The following RABEP1 variants were observed in gnomAD, a reference collection of about 807,000 sequenced individuals.
The protein encoded by RABEP1 is rab GTPase-binding effector protein 1.
In RABEP1, 51 loss-of-function variants were observed where a neutral mutation model predicts 123.4. That is an observed-to-expected ratio of 0.41 (90% CI 0.33 to 0.52). The LOEUF (loss-of-function observed/expected upper bound fraction) is 0.52. Ranked by LOEUF, RABEP1 falls within the 20% of genes least tolerant of loss-of-function variation. The pLI, the probability that RABEP1 is intolerant of heterozygous loss-of-function variation, is 0.16. For missense variants in RABEP1, 888 were observed against 996.3 expected (o/e 0.89, Z 1.46); for synonymous variants, 347 against 355.2 (o/e 0.98, Z 0.26).
intron 2 of RABEP1, among the ~76,000 whole-genome samples, chr17:5,310,712 A>G (rs1461855385): frequency 6.6e-6 from 1 of 152,044 alleles, no homozygotes; most frequent in South Asian, 2.1e-4. Context: ...GAAATTTTAC[A>G]GTGGTTTTCC....
At chr17:5,327,931 C>T (rs927753221) in intron 2 of RABEP1, among the ~76,000 whole-genome samples, 3 of 152,038 alleles carry the variant, frequency 2.0e-5, no homozygotes, top group African/African-American at 4.8e-5. Context: ...GGACAATGGG[C>T]ATAGGACAAT....
chr17:5,370,114 A>G (rs187083048), intron 12 of RABEP1, among the ~76,000 whole-genome samples: 130 of 152,338 alleles, frequency 8.5e-4, no homozygotes, highest in African/African-American at 2.8e-3. Context: ...TTGAGGTCCT[A>G]TGAACTCCAG....
chr17:5,360,236 A>G (rs1909382282), intron 8 of RABEP1, among the ~76,000 whole-genome samples: 1 of 152,222 alleles, frequency 6.6e-6, no homozygotes, highest in Non-Finnish European at 1.5e-5. Context: ...AGTATACAAC[A>G]TTGAACATGT....
At chr17:5,350,692 C>T (rs1171158490) in intron 7 of RABEP1, 63 bp downstream of exon 7, 19 of 1,544,358 alleles carry the variant, frequency 1.2e-5, no homozygotes, top group South Asian at 1.1e-5. Context: ...CATGTGATTG[C>T]ATTACCTTAT....
rs1265713980 is a variant in RABEP1, at chr17:5,384,510, G to C, written c.*1287G>C. ...GGGTACCTGAAAGAGCCTTCTGGGA[G>C]TTAGTGAACTAGGTAGATTGTTTTG... On this transcript the variant is annotated 3_prime_UTR_variant, in exon 18 of 18. Coordinates refer to ENST00000537505, the MANE Select transcript of RABEP1 (RefSeq NM_004703.6). The C allele has an allele frequency of 9.2e-6, 2 of 216,306 alleles. No homozygotes were observed. Among genetic ancestry groups the C allele is most frequent in the East Asian group, 6.9e-5 (1 of 14,426 alleles). 13.4% of individuals were successfully genotyped at this position (216,306 alleles called of 1,614,324 possible).
chr17:5,325,818 A>G (rs1304046734), intron 2 of RABEP1, among the ~76,000 whole-genome samples: 1 of 152,228 alleles, frequency 6.6e-6, no homozygotes, highest in Non-Finnish European at 1.5e-5. Flanking sequence ...ATGTACTTTA[A>G]CTATGTACAT....
intron 13 of RABEP1, 147 bp downstream of exon 13, chr17:5,373,601 C>A: frequency 1.1e-6 from 1 of 915,210 alleles, no homozygotes; most frequent in Non-Finnish European, 1.6e-6. Context: ...TTTTGCTGTA[C>A]TCACAGATGT....
chr17:5,301,549 A>G (rs964536690), intron 1 of RABEP1, among the ~76,000 whole-genome samples: 6 of 152,214 alleles, frequency 3.9e-5, no homozygotes, highest in African/African-American at 1.4e-4. Context: ...CTGAACCAGA[A>G]TATAAATCCA....
chr17:5,320,159 G>T (rs979478995), intron 2 of RABEP1, among the ~76,000 whole-genome samples: 1 of 151,744 alleles, frequency 6.6e-6, no homozygotes, highest in African/African-American at 2.4e-5. Flanking sequence ...CCCTAATGGA[G>T]CTTCAGTCAG....
At chr17:5,343,613 G>C (rs1220401624) in intron 5 of RABEP1, among the ~76,000 whole-genome samples, 1 of 150,910 alleles carries the variant, frequency 6.6e-6, no homozygotes, top group Non-Finnish European at 1.5e-5. Flanking sequence ...CTATCTGATA[G>C]GTAGACCCAC....
chr17:5,378,337 G>C (rs762347323), intron 15 of RABEP1, 105 bp downstream of exon 15: 82 of 1,113,580 alleles, frequency 7.4e-5, no homozygotes, highest in Non-Finnish European at 1.1e-4. Context: ...CATGGGCCCT[G>C]CCTTAAGGAA....
At chr17:5,309,422 C>T (rs576610968) in intron 2 of RABEP1, among the ~76,000 whole-genome samples, 19 of 149,534 alleles carry the variant, frequency 1.3e-4, no homozygotes, top group African/African-American at 3.6e-4. Context: ...GGCCAACGGG[C>T]GGGGGCGGAT....
chr17:5,306,225 A>C (rs549253296), intron 1 of RABEP1, among the ~76,000 whole-genome samples: 34 of 152,304 alleles, frequency 2.2e-4, no homozygotes, highest in Non-Finnish European at 4.3e-4. Context: ...CAGAAAGCCT[A>C]TTGTTGACAA....
At position 5,332,045 on chromosome 17, in the gene RABEP1, A is replaced by C. The variant is rs1208230004; in HGVS notation, c.260A>C (p.Asn87Thr). ...QLWEAQAEME[N>T]IKAIATVSEN... Reference sequence around the variant, plus strand: ...TGGGAAGCTCAAGCAGAGATGGAGAATATTAAGGCGATTGCCACAGTCTCT... The same window carrying C: ...TGGGAAGCTCAAGCAGAGATGGAGACTATTAAGGCGATTGCCACAGTCTCT... The change falls in exon 3 of 18, where the codon AAT (asparagine) becomes ACT (threonine). Residue 87 changes from asparagine (N) to threonine (T), a missense_variant. Asn to Thr is a moderately conservative substitution (Grantham distance 65). Transcript: ENST00000537505. 1.9e-6 allele frequency: 3 copies of C among 1,614,102 alleles called. No homozygotes were observed. The highest frequency in any genetic ancestry group is 2.5e-6 in the Non-Finnish European group (3 of 1,180,006).
At chr17:5,322,670 T>C (rs567900777) in intron 2 of RABEP1, among the ~76,000 whole-genome samples, 21 of 152,114 alleles carry the variant, frequency 1.4e-4, no homozygotes, top group African/African-American at 4.8e-4. Context: ...AACAACATAT[T>C]AAAAAGATCA....
At chr17:5,296,987 C>T (rs1291096943) in intron 1 of RABEP1, among the ~76,000 whole-genome samples, 1 of 151,622 alleles carries the variant, frequency 6.6e-6, no homozygotes, top group Non-Finnish European at 1.5e-5. Flanking sequence ...ATCTGCCTGC[C>T]TCAGCTTCCA....
At chr17:5,299,769 C>T (rs1463971838) in intron 1 of RABEP1, among the ~76,000 whole-genome samples, 2 of 116,106 alleles carry the variant, frequency 1.7e-5, no homozygotes, top group Non-Finnish European at 3.3e-5. Context: ...CTCTCCTTGT[C>T]GCCAGGCTGG....
intron 4 of RABEP1, among the ~76,000 whole-genome samples, chr17:5,335,980 A>G (rs1907043420): frequency 6.6e-6 from 1 of 152,140 alleles, no homozygotes; most frequent in Non-Finnish European, 1.5e-5. Flanking sequence ...GTTTCTGTGT[A>G]CCACATATTA....
chr17:5,372,466 A>C (rs1439670176), intron 12 of RABEP1, among the ~76,000 whole-genome samples: 1 of 152,148 alleles, frequency 6.6e-6, no homozygotes, highest in Non-Finnish European at 1.5e-5. Context: ...AAAAAAGAAT[A>C]AGCTTCTCAA....
Sources: allele counts gnomAD v4.1 joint callset (sites outside exome capture counted in the v4.1 genomes callset), GRCh38; gene constraint gnomAD v4.1.1; transcripts MANE v1.5; gene names NCBI Gene and HGNC (gene_info 2026-07-23, HGNC 2026-07-21).